TIAM1: variants seen among roughly 807,000 people sequenced by gnomAD.
The protein encoded by TIAM1 is rho guanine nucleotide exchange factor TIAM1.
Under a neutral mutation model 163.5 loss-of-function variants are expected in TIAM1, and 65 were observed. The observed-to-expected ratio is 0.40, with a 90% CI of 0.33 to 0.49. TIAM1 has a LOEUF of 0.49. Among genes scored for constraint, TIAM1 ranks in the 20% least tolerant of loss-of-function variants. The pLI, the probability that TIAM1 is intolerant of heterozygous loss-of-function variation, is 0.77. For synonymous variants in TIAM1, 833 were observed against 810.1 expected, an observed-to-expected ratio of 1.03 and a Z score of -0.48; for missense variants, 1,789 against 2,044.7, an observed-to-expected ratio of 0.87 and a Z score of 2.41.
intron 2 of TIAM1, among the ~76,000 whole-genome samples, chr21:31,455,402 AT>A (rs2045056727): frequency 6.7e-6 from 1 of 148,594 alleles, no homozygotes; most frequent in South Asian, 2.1e-4. Flanking sequence ...GAGTATCAAA[AT>A]AATTTAATTT....
At chr21:31,336,949 G>A (rs1006837183) in intron 2 of TIAM1, among the ~76,000 whole-genome samples, 3 of 152,090 alleles carry the variant, frequency 2.0e-5, no homozygotes, top group African/African-American at 7.2e-5. Flanking sequence ...TACTAGGCAC[G>A]CCATGGCAGT....
chr21:31,268,344 G>A (rs1472861437), intron 3 of TIAM1, among the ~76,000 whole-genome samples: 1 of 152,218 alleles, frequency 6.6e-6, no homozygotes, highest in African/African-American at 2.4e-5. Context: ...TGATATTACC[G>A]TGATCATTGC....
intron 1 of TIAM1, among the ~76,000 whole-genome samples, chr21:31,497,152 G>T (rs747925992): frequency 6.6e-6 from 1 of 152,162 alleles, no homozygotes; most frequent in Non-Finnish European, 1.5e-5. Flanking sequence ...ATCATCCAGC[G>T]TAGGTGTGTT....
intron 1 of TIAM1, among the ~76,000 whole-genome samples, chr21:31,343,476 AAAG>A (rs2076078361): frequency 6.6e-6 from 1 of 152,166 alleles, no homozygotes; most frequent in South Asian, 2.1e-4. Context: ...GCTTTCACAG[AAAG>A]ACAGACATTT....
chr21:31,192,928 G>A (rs902329888), intron 13 of TIAM1, among the ~76,000 whole-genome samples: 1 of 152,138 alleles, frequency 6.6e-6, no homozygotes, highest in Non-Finnish European at 1.5e-5. Flanking sequence ...CACAAGGGAC[G>A]CGTGGTGAAT....
upstream of TIAM1, among the ~76,000 whole-genome samples, chr21:31,344,735 AC>A (rs1420459057): frequency 6.6e-6 from 1 of 152,196 alleles, no homozygotes; most frequent in Non-Finnish European, 1.5e-5. Context: ...TTTCATATGT[AC>A]TAGAAAGTAT....
At chr21:31,291,621 C>T (rs1321206013) in intron 2 of TIAM1, among the ~76,000 whole-genome samples, 1 of 152,240 alleles carries the variant, frequency 6.6e-6, no homozygotes, top group Non-Finnish European at 1.5e-5. Context: ...CTCCCAGGTT[C>T]AAGTGATTCT....
chr21:31,299,019 A>C (rs2074403281), intron 2 of TIAM1, among the ~76,000 whole-genome samples: 1 of 152,134 alleles, frequency 6.6e-6, no homozygotes, highest in South Asian at 2.1e-4. Context: ...CAATACTTAG[A>C]TTTGGAGTTT....
chr21:31,239,547 G>A (rs1302130947), intron 6 of TIAM1, among the ~76,000 whole-genome samples: 2 of 152,056 alleles, frequency 1.3e-5, no homozygotes, highest in Non-Finnish European at 2.9e-5. Context: ...AGTGAGAATG[G>A]GCTACAATTA....
intron 14 of TIAM1, among the ~76,000 whole-genome samples, chr21:31,183,776 C>G (rs2085148882): frequency 6.6e-6 from 1 of 150,886 alleles, no homozygotes; most frequent in African/African-American, 2.4e-5. Context: ...CTCACTGCAA[C>G]CTCTGCCTCC....
At chr21:31,375,229 T>C (rs1485011308) in intron 2 of TIAM1, among the ~76,000 whole-genome samples, 2 of 152,154 alleles carry the variant, frequency 1.3e-5, no homozygotes, top group Non-Finnish European at 2.9e-5. Context: ...AAGTCACTGT[T>C]TAATAGAAAA....
chr21:31,153,903 A>G (rs1474929561), intron 17 of TIAM1, among the ~76,000 whole-genome samples: 2 of 151,910 alleles, frequency 1.3e-5, no homozygotes, highest in African/African-American at 4.8e-5. Flanking sequence ...TCTACAAAAA[A>G]AAACAGAAAA....
At chr21:31,535,311 G>A (rs1167114338) in intron 1 of TIAM1, among the ~76,000 whole-genome samples, 1 of 145,352 alleles carries the variant, frequency 6.9e-6, no homozygotes, top group Non-Finnish European at 1.5e-5. Context: ...ACCTTGGGAG[G>A]AGGAGATTGC....
At position 31,182,660 on chromosome 21, in the gene TIAM1, T is replaced by C. The variant is rs1568983831; in HGVS notation, c.2663-15A>G. On this transcript the variant is annotated splice_polypyrimidine_tract_variant and intron_variant, in intron 14 of 27. Transcript: ENST00000541036. ...TGCTTTCAGGCCTGCCAACGCAAGA[T>C]GGAAAATTTTTAATTTCACACACAT... 1.9e-6 allele frequency: 3 copies of C among 1,604,024 alleles called. No individual in the cohort carries two copies. The highest frequency in any genetic ancestry group is 1.1e-5 in the South Asian group (1 of 89,340).
At chr21:31,498,166 C>A (rs949255164) in intron 1 of TIAM1, among the ~76,000 whole-genome samples, 2 of 152,196 alleles carry the variant, frequency 1.3e-5, no homozygotes, top group African/African-American at 4.8e-5. Flanking sequence ...AGCCAACAAG[C>A]CATTTGGTGG....
intron 2 of TIAM1, among the ~76,000 whole-genome samples, chr21:31,328,495 T>C (rs1288103441): frequency 6.6e-6 from 1 of 151,934 alleles, no homozygotes; most frequent in African/African-American, 2.4e-5. Context: ...CTCAGCCTCC[T>C]GAGTAGCTGG....
At chr21:31,485,420 A>G (rs2046240310) in intron 1 of TIAM1, among the ~76,000 whole-genome samples, 1 of 152,242 alleles carries the variant, frequency 6.6e-6, no homozygotes, top group South Asian at 2.1e-4. Flanking sequence ...CCAGGAGCCT[A>G]TAAAATTCAT....
chr21:31,294,543 C>A lies in TIAM1; in HGVS notation c.-188-17635G>T, dbSNP rs145750780. On this transcript the variant is annotated intron_variant, in intron 2 of 27. Coordinates refer to ENST00000541036, the MANE Select transcript of TIAM1 (RefSeq NM_001353694.2). ...TAACTTCGGGAAAATCAGTTAATTTCTCTGTGGTTTCAGGTTCTTCCTCAG... is the reference window on the plus strand; with the variant it reads ...TAACTTCGGGAAAATCAGTTAATTTATCTGTGGTTTCAGGTTCTTCCTCAG... Among the ~76,000 whole-genome samples the A allele has an allele frequency of 1.2e-4, 19 of 152,322 alleles. No homozygotes were observed. In the East Asian group the frequency reaches 3.7e-3, roughly 29 times the overall value.
chr21:31,356,975 CATTTTTAAA>C (rs1360002161), intron 2 of TIAM1, among the ~76,000 whole-genome samples: 1 of 152,158 alleles, frequency 6.6e-6, no homozygotes, highest in African/African-American at 2.4e-5. Flanking sequence ...AATGAATAAA[CATTTTTAAA>C]ATTTTTAAAA....
Sources: gnomAD v4.1 joint callset for allele counts (sites outside exome capture counted in the v4.1 genomes callset) on GRCh38, gnomAD v4.1.1 for gene constraint, MANE v1.5 for transcripts, NCBI Gene and HGNC (gene_info 2026-07-23, HGNC 2026-07-21) for gene names.